Variants in EXOC4 observed in about 807,000 individuals in gnomAD.
EXOC4 encodes the protein SEC8-like 1.
A neutral mutation model predicts 107.2 loss-of-function variants in EXOC4; 71 were observed. That is an observed-to-expected ratio of 0.66 (90% CI 0.55 to 0.81). The LOEUF is 0.81. Among genes scored for constraint, EXOC4 ranks in the 30% least tolerant of loss-of-function variants. The probability of loss-of-function intolerance (pLI) is 0.00; values close to 1 mark genes in which losing one functional copy is unlikely to be tolerated. For synonymous variants in EXOC4, 456 were observed against 441.2 expected (o/e 1.03, Z -0.42); for missense variants, 1,108 against 1,189.6 (o/e 0.93, Z 1.01).
At chr7:133,387,368 C>G (rs1281211133) in intron 7 of EXOC4, among the ~76,000 whole-genome samples, 2 of 152,220 alleles carry the variant, frequency 1.3e-5, no homozygotes, top group African/African-American at 2.4e-5. Flanking sequence ...ATGTACATTA[C>G]TATAAAGGGA....
chr7:133,289,191 T>C (rs1794349338), intron 3 of EXOC4, 75 bp downstream of exon 3: 1 of 1,286,192 alleles, frequency 7.8e-7, no homozygotes, highest in Non-Finnish European at 1.1e-6. Context: ...CTCTGAATCC[T>C]GTAATGCATG....
intron 11 of EXOC4, among the ~76,000 whole-genome samples, chr7:133,833,496 G>T (rs905014476): frequency 6.6e-6 from 1 of 152,166 alleles, no homozygotes; most frequent in African/African-American, 2.4e-5. Flanking sequence ...AAGCTTCTGG[G>T]AAGAGATGGC....
At chr7:134,014,676 G>T (rs1794859220) in intron 17 of EXOC4, among the ~76,000 whole-genome samples, 1 of 152,106 alleles carries the variant, frequency 6.6e-6, no homozygotes, top group African/African-American at 2.4e-5. Context: ...TGATGAAAAT[G>T]CACTAAACTA....
At chr7:133,539,425 G>A (rs1800338350) in intron 9 of EXOC4, among the ~76,000 whole-genome samples, 2 of 151,822 alleles carry the variant, frequency 1.3e-5, no homozygotes. Flanking sequence ...TAACTGCAAT[G>A]TCTGAACCTT....
intron 10 of EXOC4, among the ~76,000 whole-genome samples, chr7:133,793,814 A>G (rs1448916212): frequency 1.3e-5 from 2 of 151,704 alleles, no homozygotes; most frequent in Admixed American, 1.3e-4. Flanking sequence ...TCTGCACTAC[A>G]ACCTGGGGAC....
At chr7:133,983,723 CA>C (rs5887654) in intron 14 of EXOC4, among the ~76,000 whole-genome samples, 110,372 of 152,046 alleles carry the variant, frequency 0.73, 40,646 homozygotes, top group East Asian at 0.91. Flanking sequence ...CTTATTCATC[CA>C]AAAATACCTT....
chr7:133,337,052 A>T (rs910246137), intron 5 of EXOC4, among the ~76,000 whole-genome samples: 31 of 152,156 alleles, frequency 2.0e-4, no homozygotes, highest in African/African-American at 7.5e-4. Context: ...TTTTAAATGT[A>T]TCAATATGCT....
intron 6 of EXOC4, among the ~76,000 whole-genome samples, chr7:133,364,141 A>T (rs912697525): frequency 6.6e-6 from 1 of 151,914 alleles, no homozygotes; most frequent in Non-Finnish European, 1.5e-5. Context: ...GTTTATTTTT[A>T]TGGAGATGTG....
intron 9 of EXOC4, among the ~76,000 whole-genome samples, chr7:133,597,192 A>G (rs903418712): frequency 2.0e-5 from 3 of 152,190 alleles, no homozygotes; most frequent in Non-Finnish European, 2.9e-5. Flanking sequence ...CCTCTACAAG[A>G]TGGACCTTTC....
At chr7:133,280,880 A>G (rs1284139333) in intron 2 of EXOC4, among the ~76,000 whole-genome samples, 17 of 152,204 alleles carry the variant, frequency 1.1e-4, no homozygotes. Flanking sequence ...TGTATGAGAA[A>G]GGGAAGAAGG....
At chr7:133,534,863 T>C (rs529890901) in intron 9 of EXOC4, among the ~76,000 whole-genome samples, 1 of 152,236 alleles carries the variant, frequency 6.6e-6, no homozygotes, top group East Asian at 1.9e-4. Flanking sequence ...TGAAAAAGTA[T>C]GGGGTAAGCG....
intron 9 of EXOC4, among the ~76,000 whole-genome samples, chr7:133,527,165 A>T (rs2150917864): frequency 6.6e-6 from 1 of 152,132 alleles, no homozygotes; most frequent in South Asian, 2.1e-4. Context: ...GCATTTTGGG[A>T]GGCTGAGGTG....
chr7:133,437,739 A>G (rs1798008758), intron 7 of EXOC4, among the ~76,000 whole-genome samples: 1 of 152,128 alleles, frequency 6.6e-6, no homozygotes, highest in African/African-American at 2.4e-5. Flanking sequence ...AGGCCTGCTG[A>G]TTGGTATGAG....
intron 17 of EXOC4, among the ~76,000 whole-genome samples, chr7:134,060,679 A>G (rs1796035334): frequency 6.6e-6 from 1 of 151,992 alleles, no homozygotes; most frequent in Admixed American, 6.5e-5. Context: ...GCATTTTTCT[A>G]TTTTCTCTTT....
chr7:133,358,862 G>A (rs1310131552), intron 6 of EXOC4, among the ~76,000 whole-genome samples: 3 of 151,946 alleles, frequency 2.0e-5, no homozygotes, highest in South Asian at 2.1e-4. Flanking sequence ...TAGAAATTCA[G>A]CACACTGCCC....
intron 17 of EXOC4, among the ~76,000 whole-genome samples, chr7:134,016,402 C>G (rs549916125): frequency 1.3e-5 from 2 of 152,230 alleles, no homozygotes; most frequent in African/African-American, 4.8e-5. Flanking sequence ...AAGGAATGGT[C>G]TCATAGCACA....
Position 133,275,138 on chromosome 7 carries a change from G to A in EXOC4, c.243G>A (p.Glu81=), listed in dbSNP as rs745711861. ...TTCGCACATACCAGAGCATCACAGAGCGCATCACTAACTCCCGAAATAAAA... is the reference window on the plus strand; with the variant it reads ...TTCGCACATACCAGAGCATCACAGAACGCATCACTAACTCCCGAAATAAAA... ...TAIRTYQSIT[E]RITNSRNKIK... Residue 81 remains glutamate (E), a synonymous_variant, in exon 2 of 18, where the codon GAG becomes GAA. Transcript: ENST00000253861. The A allele has an allele frequency of 1.9e-6, 3 of 1,603,850 alleles. No homozygotes were observed. Among genetic ancestry groups the A allele is most frequent in the Non-Finnish European group, 1.7e-6 (2 of 1,175,196 alleles).
At chr7:133,636,405 C>T (rs1802712576) in intron 10 of EXOC4, among the ~76,000 whole-genome samples, 1 of 152,120 alleles carries the variant, frequency 6.6e-6, no homozygotes, top group Admixed American at 6.6e-5. Context: ...GAAGGCCTGG[C>T]ATTTTGAAAT....
intron 9 of EXOC4, among the ~76,000 whole-genome samples, chr7:133,608,553 T>TC (rs1802004958): frequency 7.0e-6 from 1 of 142,738 alleles, no homozygotes. Flanking sequence ...TTTCTTTTTT[T>TC]TTTTTTTTTT....
Sources: gnomAD v4.1 joint callset for allele counts (sites outside exome capture counted in the v4.1 genomes callset) on GRCh38, gnomAD v4.1.1 for gene constraint, MANE v1.5 for transcripts, NCBI Gene and HGNC (gene_info 2026-07-23, HGNC 2026-07-21) for gene names.